Variants in GALNT7 observed in about 807,000 individuals in gnomAD.
GALNT7 encodes polypeptide N-acetylgalactosaminyltransferase 7.
GALNT7 carries 60 observed loss-of-function variants against 82.1 expected under a neutral mutation model. That is an observed-to-expected ratio of 0.73 (90% CI 0.59 to 0.91). The LOEUF (loss-of-function observed/expected upper bound fraction) is 0.91. Among genes scored for constraint, GALNT7 ranks in the 40% least tolerant of loss-of-function variants. GALNT7 has a pLI of 0.00. For missense variants in GALNT7, 660 were observed against 804.2 expected (o/e 0.82, Z 2.17); for synonymous variants, 243 against 275.1 (o/e 0.88, Z 1.15).
At chr4:173,278,576 G>T (rs1383077420) in intron 2 of GALNT7, among the ~76,000 whole-genome samples, 1 of 152,166 alleles carries the variant, frequency 6.6e-6, no homozygotes, top group Non-Finnish European at 1.5e-5. Context: ...TGCAATAAAT[G>T]TAAACATGGT....
chr4:173,278,830 T>C (rs561154646), intron 2 of GALNT7, among the ~76,000 whole-genome samples: 88 of 152,340 alleles, frequency 5.8e-4, no homozygotes, highest in Non-Finnish European at 4.3e-4. Flanking sequence ...TTGGGAAAGA[T>C]GTTGACAAAA....
chr4:173,173,045 T>G (rs62341096), intron 1 of GALNT7, among the ~76,000 whole-genome samples: 22,117 of 152,102 alleles, frequency 0.15, 1,681 homozygotes, highest in Non-Finnish European at 0.17. Context: ...TTGCTTAGAT[T>G]GGCAGGGCGG....
chr4:173,257,473 T>C (rs919080693), intron 2 of GALNT7, among the ~76,000 whole-genome samples: 1 of 152,184 alleles, frequency 6.6e-6, no homozygotes, highest in African/African-American at 2.4e-5. Flanking sequence ...TTTTGCAAGA[T>C]ACAAGTTGAA....
intron 1 of GALNT7, among the ~76,000 whole-genome samples, chr4:173,241,228 A>G (rs1173578748): frequency 1.4e-5 from 2 of 143,144 alleles, no homozygotes; most frequent in Non-Finnish European, 3.1e-5. Flanking sequence ...AAAAAAAAGA[A>G]AGAAAGAAAA....
intron 1 of GALNT7, among the ~76,000 whole-genome samples, chr4:173,171,794 A>G (rs2126614052): frequency 1.3e-5 from 2 of 152,346 alleles, no homozygotes; most frequent in South Asian, 4.1e-4. Context: ...TGTTAAGGAA[A>G]TACTCCTTGT....
chr4:173,304,346 C>T (rs1737065700), intron 8 of GALNT7, among the ~76,000 whole-genome samples: 1 of 151,760 alleles, frequency 6.6e-6, no homozygotes, highest in South Asian at 2.1e-4. Flanking sequence ...CTGCAGTGAG[C>T]TATGATTGCA....
At chr4:173,305,276 A>T (rs1485639982) in intron 8 of GALNT7, among the ~76,000 whole-genome samples, 5 of 152,106 alleles carry the variant, frequency 3.3e-5, no homozygotes. Flanking sequence ...GCCCAATTTA[A>T]TCAGGTTGTT....
At chr4:173,234,948 G>T (rs2126715430) in intron 1 of GALNT7, among the ~76,000 whole-genome samples, 1 of 152,278 alleles carries the variant, frequency 6.6e-6, no homozygotes, top group East Asian at 1.9e-4. Context: ...AGAAGGAGAT[G>T]CTGGTACCAT....
chr4:173,170,969 T>G (rs569954203), intron 1 of GALNT7, among the ~76,000 whole-genome samples: 2 of 152,350 alleles, frequency 1.3e-5, no homozygotes, highest in East Asian at 3.9e-4. Context: ...ATTTTTTGTT[T>G]GTTTCAGTGT....
rs756206751 is a variant in GALNT7, at chr4:173,298,180, G to C, written c.1031G>C (p.Gly344Ala). ...NGNTYEIIPQ[G>A]GGDEDGYARG... Reference sequence around the variant, plus strand: ...AACACATATGAAATTATACCCCAAGGGGGTGGTGATGAAGATGGGTATGCC... The same window carrying C: ...AACACATATGAAATTATACCCCAAGCGGGTGGTGATGAAGATGGGTATGCC... The change falls in exon 6 of 12, where the codon GGG (glycine) becomes GCG (alanine). Residue 344 changes from glycine (G) to alanine (A), a missense_variant. Around this residue, in one of 2 missense-constraint regions of GALNT7, gnomAD observed 527 missense variants for 683.5 expected, o/e 0.77. Coordinates refer to ENST00000265000, the MANE Select transcript of GALNT7 (RefSeq NM_017423.3). The C allele has an allele frequency of 1.2e-6, 2 of 1,613,972 alleles. No homozygotes were observed. Among genetic ancestry groups the C allele is most frequent in the South Asian group, 1.1e-5 (1 of 91,076 alleles).
chr4:173,263,538 C>T (rs1735361735), intron 2 of GALNT7, among the ~76,000 whole-genome samples: 1 of 152,180 alleles, frequency 6.6e-6, no homozygotes, highest in Non-Finnish European at 1.5e-5. Flanking sequence ...ACACTAATTA[C>T]TTAGGATTGA....
At chr4:173,184,139 C>T (rs956543544) in intron 1 of GALNT7, among the ~76,000 whole-genome samples, 1 of 150,740 alleles carries the variant, frequency 6.6e-6, no homozygotes, top group Non-Finnish European at 1.5e-5. Flanking sequence ...AGAGGGGCTC[C>T]TCACATCCCA....
intron 2 of GALNT7, among the ~76,000 whole-genome samples, chr4:173,277,517 T>C (rs1735957191): frequency 3.3e-5 from 5 of 152,192 alleles, no homozygotes; most frequent in Admixed American, 2.6e-4. Flanking sequence ...CAAACAGGTG[T>C]GCACTCTGAG....
chr4:173,288,826 C>G (rs999266175), intron 2 of GALNT7, among the ~76,000 whole-genome samples: 4 of 152,008 alleles, frequency 2.6e-5, no homozygotes, highest in African/African-American at 7.2e-5. Context: ...TACCCTGTCT[C>G]CAGGAAATCA....
chr4:173,203,942 T>A (rs1041411134), intron 1 of GALNT7, among the ~76,000 whole-genome samples: 1 of 152,234 alleles, frequency 6.6e-6, no homozygotes, highest in Admixed American at 6.5e-5. Context: ...TGCTTTCATA[T>A]GTTTTCATAT....
intron 2 of GALNT7, among the ~76,000 whole-genome samples, chr4:173,272,994 G>A (rs539699663): frequency 3.9e-5 from 6 of 152,146 alleles, no homozygotes; most frequent in East Asian, 1.9e-4. Context: ...ATTACAACCT[G>A]TCTTGCAACC....
intron 2 of GALNT7, among the ~76,000 whole-genome samples, chr4:173,272,337 G>C (rs1735758565): frequency 6.6e-6 from 1 of 152,190 alleles, no homozygotes; most frequent in African/African-American, 2.4e-5. Context: ...GATGACAGTT[G>C]ACCATAGCTT....
Position 173,248,406 on chromosome 4 carries a change from C to G in GALNT7, c.553C>G (p.Leu185Val). The G allele has an allele frequency of 6.2e-7, 1 of 1,612,094 alleles. No homozygotes were observed. Reference sequence around the variant, plus strand: ...CATGGTGGCAAGTGACATGATCTCACTGGACCGCAGCGTCAATGACTTACG... The same window carrying G: ...CATGGTGGCAAGTGACATGATCTCAGTGGACCGCAGCGTCAATGACTTACG... ...FNMVASDMIS[L>V]DRSVNDLRQE... is the part of the protein sequence containing the mutation. Residue 185 changes from leucine to valine, a missense_variant, in exon 2 of 12, where the codon CTG becomes GTG. Physicochemically the swap from Leu to Val is conservative, Grantham distance 32. Around this residue, in one of 2 missense-constraint regions of GALNT7, gnomAD observed 527 missense variants for 683.5 expected, o/e 0.77. Coordinates refer to ENST00000265000, the MANE Select transcript of GALNT7 (RefSeq NM_017423.3).
rs146279841 is a variant in GALNT7 at position 173,288,415 on chromosome 4, A to T, written c.588-3693A>T. On this transcript the variant is annotated intron_variant, in intron 2 of 11. Coordinates refer to ENST00000265000, the MANE Select transcript of GALNT7 (RefSeq NM_017423.3). ...TCCCTAATAGAGGGACATAGGAGGGAGGGGAATTGAGGAACTAGAGGTTTT... is the reference window on the plus strand; with the variant it reads ...TCCCTAATAGAGGGACATAGGAGGGTGGGGAATTGAGGAACTAGAGGTTTT... Among the ~76,000 whole-genome samples, 146 of 151,434 alleles carry T rather than the reference A, an allele frequency of 9.6e-4. 1 individual carries two copies. The highest frequency in any genetic ancestry group is 7.7e-3 in the South Asian group (37 of 4,796).
Sources: allele counts gnomAD v4.1 joint callset (sites outside exome capture counted in the v4.1 genomes callset), GRCh38; gene constraint gnomAD v4.1.1; regional missense constraint gnomAD v4.1.1; transcripts MANE v1.5; gene names NCBI Gene and HGNC (gene_info 2026-07-23, HGNC 2026-07-21).